The following MED12L variants were observed in gnomAD, a reference collection of about 807,000 sequenced individuals.
The protein encoded by MED12L is mediator complex subunit 12L, also known as mediator of RNA polymerase II transcription subunit 12-like protein.
Under a neutral mutation model 281.3 loss-of-function variants are expected in MED12L, and 60 were observed. The ratio of observed to expected loss-of-function variants is 0.21; its 90% CI spans 0.17 to 0.26. The LOEUF (loss-of-function observed/expected upper bound fraction) is 0.26, where lower values mean the gene tolerates loss of function less well. Among genes scored for constraint, MED12L ranks in the 10% least tolerant of loss-of-function variants. The pLI, the probability that MED12L is intolerant of heterozygous loss-of-function variation, is 1.00. For synonymous variants in MED12L, 974 were observed against 987.2 expected, an observed-to-expected ratio of 0.99 and a Z score of 0.25; for missense variants, 2,146 against 2,680.9, an observed-to-expected ratio of 0.80 and a Z score of 4.41.
chr3:151,416,475 G>A, intron 43 of MED12L, 53 bp downstream of exon 43: 1 of 1,578,644 alleles, frequency 6.3e-7, no homozygotes, highest in Non-Finnish European at 8.7e-7. Flanking sequence ...TTAAAAGCAG[G>A]TTGCATTGTT....
intron 20 of MED12L, among the ~76,000 whole-genome samples, chr3:151,358,083 T>C (rs892073003): frequency 1.1e-4 from 16 of 152,172 alleles, no homozygotes; most frequent in African/African-American, 3.9e-4. Flanking sequence ...AAAAGAATCA[T>C]GGGGTTCTTT....
At position 151,088,777 on chromosome 3, in the gene MED12L, GT is replaced by G. The variant is rs556727416; in HGVS notation, c.99+1755del. Among the ~76,000 whole-genome samples, 80 of 152,278 alleles carry G rather than the reference GT, an allele frequency of 5.3e-4. 1 individual carries two copies. Among genetic ancestry groups the G allele is most frequent in the African/African-American group, 1.8e-3 (75 of 41,534 alleles). ...AAACAGGCCTGGGAAAGCTTGACTCGTTTAACCAAGGTGTATAGGTGAATAA... is the reference window on the plus strand; with the variant it reads ...AAACAGGCCTGGGAAAGCTTGACTCGTTAACCAAGGTGTATAGGTGAATAA... On this transcript the variant is annotated intron_variant, in intron 2 of 44. Transcript: ENST00000687756.
At chr3:151,166,819 G>T (rs1301674216) in intron 11 of MED12L, among the ~76,000 whole-genome samples, 1 of 152,000 alleles carries the variant, frequency 6.6e-6, no homozygotes, top group Non-Finnish European at 1.5e-5. Context: ...GGGATTACAG[G>T]CACCCACCAC....
chr3:151,213,130 T>C (rs540567222), intron 16 of MED12L: 36 of 534,000 alleles, frequency 6.7e-5, no homozygotes, highest in Non-Finnish European at 1.1e-4. Flanking sequence ...TATGTTTTCT[T>C]TGATGTTACA....
chr3:151,220,143 C>A (rs1481591412), intron 16 of MED12L, among the ~76,000 whole-genome samples: 3 of 148,150 alleles, frequency 2.0e-5, no homozygotes, highest in Non-Finnish European at 4.5e-5. Flanking sequence ...AACCCACTAC[C>A]CAAGTTGCGG....
In MED12L at chr3:151,222,675, C is replaced by G. The variant is rs531497416; in HGVS notation, c.2250+29009C>G. Among the ~76,000 whole-genome samples the G allele has an allele frequency of 6.6e-5, 10 of 152,278 alleles. No individual in the cohort carries two copies. In the South Asian group the frequency reaches 1.9e-3, roughly 28 times the overall value. ...TAAACCTCTTTCTTTTGTAAATTGC[C>G]CATTCTCAAATATGTCTTTATCAGC... On this transcript the variant is annotated intron_variant, in intron 16 of 44. Transcript: ENST00000687756.
At chr3:151,352,702 G>A (rs1245561600) in intron 17 of MED12L, among the ~76,000 whole-genome samples, 2 of 152,126 alleles carry the variant, frequency 1.3e-5, no homozygotes, top group African/African-American at 2.4e-5. Context: ...ATAGTATAAA[G>A]TTTAAATAAC....
intron 16 of MED12L, among the ~76,000 whole-genome samples, chr3:151,320,365 G>C (rs762591315): frequency 6.6e-6 from 1 of 152,130 alleles, no homozygotes; most frequent in Non-Finnish European, 1.5e-5. Context: ...GCCCGTGTTG[G>C]TCTTTTCCAT....
intron 12 of MED12L, 107 bp downstream of exon 12, chr3:151,185,568 GA>G: frequency 4.2e-6 from 5 of 1,201,484 alleles, no homozygotes; most frequent in South Asian, 1.8e-5. Context: ...TGCTCTTGAG[GA>G]AAAAAGGGAG....
chr3:151,129,384 C>A (rs10755104), intron 5 of MED12L, among the ~76,000 whole-genome samples: 1 of 151,518 alleles, frequency 6.6e-6, no homozygotes, highest in East Asian at 1.9e-4. Context: ...GAAGAAATGC[C>A]CAGGAAAAAA....
chr3:151,269,990 A>G (rs745965264), intron 16 of MED12L: 5 of 274,972 alleles, frequency 1.8e-5, no homozygotes, highest in South Asian at 3.8e-5. Flanking sequence ...GGTTTTCAAT[A>G]TGGATGATGA....
chr3:151,257,722 T>G (rs1000769426), intron 16 of MED12L, among the ~76,000 whole-genome samples: 1 of 152,262 alleles, frequency 6.6e-6, no homozygotes, highest in African/African-American at 2.4e-5. Flanking sequence ...AACATGCTTT[T>G]GAAATTCAGT....
chr3:151,425,683 G>C (rs1453389163), intron 43 of MED12L: 6 of 456,586 alleles, frequency 1.3e-5, no homozygotes, highest in Admixed American at 1.2e-4. Flanking sequence ...ATTCGGTCTT[G>C]TGGTTACAGC....
At chr3:151,183,295 G>A (rs1722917224) in intron 11 of MED12L, among the ~76,000 whole-genome samples, 1 of 152,162 alleles carries the variant, frequency 6.6e-6, no homozygotes, top group Admixed American at 6.5e-5. Context: ...AGTGTATAGA[G>A]CCTCTTATTC....
intron 16 of MED12L, among the ~76,000 whole-genome samples, chr3:151,320,044 G>A (rs1052014098): frequency 6.6e-6 from 1 of 152,172 alleles, no homozygotes; most frequent in Non-Finnish European, 1.5e-5. Context: ...TTGAGCAAAT[G>A]TATTACCAAG....
chr3:151,097,975 G>A (rs1207186167), intron 2 of MED12L, among the ~76,000 whole-genome samples: 1 of 152,190 alleles, frequency 6.6e-6, no homozygotes, highest in African/African-American at 2.4e-5. Context: ...GAGTGGATGG[G>A]GTTGAGGATA....
At chr3:151,379,435 A>G (rs1439497763) in intron 31 of MED12L, among the ~76,000 whole-genome samples, 2 of 152,206 alleles carry the variant, frequency 1.3e-5, no homozygotes, top group Non-Finnish European at 2.9e-5. Context: ...CTAATTGAAG[A>G]CATTTTGTTA....
chr3:151,172,373 T>C (rs1721543727), intron 11 of MED12L, among the ~76,000 whole-genome samples: 1 of 152,258 alleles, frequency 6.6e-6, no homozygotes, highest in Non-Finnish European at 1.5e-5. Context: ...TAGCTGCTAT[T>C]ATTACTGACT....
At chr3:151,422,909 AT>A (rs1440079348) in intron 43 of MED12L, among the ~76,000 whole-genome samples, 8 of 135,996 alleles carry the variant, frequency 5.9e-5, no homozygotes, top group Non-Finnish European at 1.3e-4. Context: ...ATGAAAATAT[AT>A]TTTTTTGTTC....
Sources: allele counts gnomAD v4.1 joint callset (sites outside exome capture counted in the v4.1 genomes callset), GRCh38; gene constraint gnomAD v4.1.1; transcripts MANE v1.5; gene names NCBI Gene and HGNC (gene_info 2026-07-23, HGNC 2026-07-21).